Variants in ARHGAP26 observed in about 807,000 individuals in gnomAD.
ARHGAP26 encodes Rho GTPase activating protein 26.
A neutral mutation model predicts 104.8 loss-of-function variants in ARHGAP26; 38 were observed. The ratio of observed to expected loss-of-function variants is 0.36; its 90% CI spans 0.28 to 0.48. The LOEUF (loss-of-function observed/expected upper bound fraction) is 0.48, where lower values mean the gene tolerates loss of function less well. Ranked by LOEUF, ARHGAP26 falls within the 20% of genes least tolerant of loss-of-function variation. The pLI is 0.99. For missense variants in ARHGAP26, 704 were observed against 947.9 expected (o/e 0.74, Z 3.38); for synonymous variants, 341 against 340.0 (o/e 1.00, Z -0.03).
intron 5 of ARHGAP26, among the ~76,000 whole-genome samples, chr5:142,889,861 G>A (rs1026172995): frequency 2.7e-4 from 41 of 151,224 alleles, no homozygotes; most frequent in African/African-American, 9.0e-4. Context: ...AAGGCCTGGC[G>A]CGGTGGCTCA....
chr5:142,823,965 A>G (rs10476846), intron 1 of ARHGAP26, among the ~76,000 whole-genome samples: 6,254 of 152,298 alleles, frequency 0.041, 432 homozygotes, highest in African/African-American at 0.14. Flanking sequence ...GTTTATAGAC[A>G]AATAACAAAG....
At position 142,887,210 on chromosome 5, in the gene ARHGAP26, T is replaced by G. The variant is rs185633676; in HGVS notation, c.486+1811T>G. Among the ~76,000 whole-genome samples, 8 of 152,286 alleles carry G rather than the reference T, an allele frequency of 5.3e-5. No individual in the cohort carries two copies. The East Asian group carries it at 1.5e-3, about 29-fold the overall frequency. ...TCTGGAATGAGTCCAGCATTTTCTT[T>G]TAGGGCTGTGAATGTCTTCTGAATT... On this transcript the variant is annotated intron_variant, in intron 5 of 22. Transcript: ENST00000645722.
intron 9 of ARHGAP26, chr5:142,908,956 T>G (rs1467761689): frequency 6.0e-6 from 1 of 166,354 alleles, no homozygotes; most frequent in African/African-American, 2.4e-5. Flanking sequence ...TTCTCTTTGC[T>G]CCTATGCTTT....
intron 17 of ARHGAP26, among the ~76,000 whole-genome samples, chr5:143,077,124 A>T (rs1366750060): frequency 6.6e-6 from 1 of 152,252 alleles, no homozygotes; most frequent in African/African-American, 2.4e-5. Context: ...GATACAGAAT[A>T]CTTCAGATGG....
chr5:142,969,960 A>G (rs1771993407), intron 11 of ARHGAP26, among the ~76,000 whole-genome samples: 1 of 152,192 alleles, frequency 6.6e-6, no homozygotes, highest in African/African-American at 2.4e-5. Flanking sequence ...TTGGGGATGT[A>G]TGTAAAGAAT....
At chr5:142,816,359 GA>G (rs1392224250) in intron 1 of ARHGAP26, among the ~76,000 whole-genome samples, 1 of 152,238 alleles carries the variant, frequency 6.6e-6, no homozygotes, top group Non-Finnish European at 1.5e-5. Flanking sequence ...TAGGTACAGT[GA>G]AGGCTGCAGC....
At chr5:142,777,037 T>C (rs943029171) in intron 1 of ARHGAP26, among the ~76,000 whole-genome samples, 4 of 152,216 alleles carry the variant, frequency 2.6e-5, no homozygotes, top group Non-Finnish European at 5.9e-5. Context: ...CACCTTTTCA[T>C]GTGTTTGTTG....
intron 20 of ARHGAP26, among the ~76,000 whole-genome samples, chr5:143,163,680 A>T (rs1801552352): frequency 6.6e-6 from 1 of 151,704 alleles, no homozygotes; most frequent in Non-Finnish European, 1.5e-5. Flanking sequence ...CGAACTCCTG[A>T]CCTCTGGTGA....
At chr5:142,865,400 G>A (rs938188031) in intron 1 of ARHGAP26, among the ~76,000 whole-genome samples, 3 of 150,426 alleles carry the variant, frequency 2.0e-5, no homozygotes, top group African/African-American at 7.3e-5. Flanking sequence ...AAATACATAT[G>A]TATTTGTATA....
At chr5:143,166,256 T>G (rs1460371583) in intron 20 of ARHGAP26, among the ~76,000 whole-genome samples, 1 of 152,154 alleles carries the variant, frequency 6.6e-6, no homozygotes, top group Non-Finnish European at 1.5e-5. Flanking sequence ...TCATCAGCTC[T>G]CTAGACCTGT....
intron 12 of ARHGAP26, among the ~76,000 whole-genome samples, chr5:143,028,224 G>A (rs1449759434): frequency 6.6e-6 from 1 of 152,206 alleles, no homozygotes; most frequent in Non-Finnish European, 1.5e-5. Context: ...GTGTAGCTCA[G>A]AGCAATGTAG....
chr5:143,208,747 G>T (rs1423949838), intron 21 of ARHGAP26, among the ~76,000 whole-genome samples: 1 of 152,182 alleles, frequency 6.6e-6, no homozygotes, highest in Non-Finnish European at 1.5e-5. Flanking sequence ...AGCCTGACTT[G>T]CTCTTTTAGG....
intron 20 of ARHGAP26, among the ~76,000 whole-genome samples, chr5:143,205,605 C>T (rs982067977): frequency 2.0e-5 from 3 of 152,204 alleles, no homozygotes; most frequent in African/African-American, 7.2e-5. Context: ...GCTAGAGGAA[C>T]AGGGCAAGTC....
At chr5:143,143,819 A>G (rs1372551703) in intron 19 of ARHGAP26, among the ~76,000 whole-genome samples, 1 of 152,212 alleles carries the variant, frequency 6.6e-6, no homozygotes, top group Non-Finnish European at 1.5e-5. Context: ...GGTAGTTTGC[A>G]TCCTTAAGGA....
At chr5:143,096,664 A>G (rs571027642) in intron 17 of ARHGAP26, among the ~76,000 whole-genome samples, 1 of 150,984 alleles carries the variant, frequency 6.6e-6, no homozygotes, top group African/African-American at 2.4e-5. Context: ...AATTTTGCTC[A>G]TTTATCAAGT....
At chr5:142,841,011 A>G (rs1014276720) in intron 1 of ARHGAP26, among the ~76,000 whole-genome samples, 1 of 152,358 alleles carries the variant, frequency 6.6e-6, no homozygotes, top group East Asian at 1.9e-4. Flanking sequence ...AACTGGATCT[A>G]TAACAGGTTA....
chr5:143,037,326 C>A, intron 13 of ARHGAP26, 65 bp downstream of exon 13: 3 of 1,349,346 alleles, frequency 2.2e-6, no homozygotes, highest in Non-Finnish European at 3.1e-6. Context: ...GGAGTCAGAC[C>A]TGCTACCTGC....
Position 142,785,899 on chromosome 5 carries a change from C to A in ARHGAP26, c.154+14984C>A, listed in dbSNP as rs180978443. 1.3e-4 allele frequency among the ~76,000 whole-genome samples: 20 copies of A among 152,184 alleles called. No homozygotes were observed. In the East Asian group the frequency reaches 3.7e-3, roughly 28 times the overall value. ...TTCACCTTTCCCCACACACCCCCAT[C>A]ATTTGTTCACTGTGTCTGGCCTTCT... On this transcript the variant is annotated intron_variant, in intron 1 of 22. Coordinates refer to ENST00000645722, the MANE Select transcript of ARHGAP26 (RefSeq NM_001135608.3).
At chr5:142,821,647 T>G (rs547010901) in intron 1 of ARHGAP26, among the ~76,000 whole-genome samples, 1 of 152,220 alleles carries the variant, frequency 6.6e-6, no homozygotes, top group African/African-American at 2.4e-5. Context: ...GAATTGGAAC[T>G]GGCATTTTAA....
Sources: allele counts gnomAD v4.1 joint callset (sites outside exome capture counted in the v4.1 genomes callset), GRCh38; gene constraint gnomAD v4.1.1; transcripts MANE v1.5; gene names NCBI Gene and HGNC (gene_info 2026-07-23, HGNC 2026-07-21).